The following NIN variants were observed in gnomAD, a reference collection of about 807,000 sequenced individuals.
The protein encoded by NIN is glycogen synthase kinase 3 beta-interacting protein.
In NIN, 137 loss-of-function variants were observed where a neutral mutation model predicts 257.6. The observed-to-expected ratio is 0.53, with a 90% CI of 0.46 to 0.61. NIN has a LOEUF of 0.61. Among genes scored for constraint, NIN ranks in the 20% least tolerant of loss-of-function variants. The probability of loss-of-function intolerance (pLI) is 0.00; values close to 1 mark genes in which losing one functional copy is unlikely to be tolerated. For synonymous variants in NIN, 918 were observed against 919.8 expected, an observed-to-expected ratio of 1.00 and a Z score of 0.04; for missense variants, 2,439 against 2,501.2, an observed-to-expected ratio of 0.98 and a Z score of 0.53.
chr14:50,752,315 G>A (rs2041821526), intron 21 of NIN, among the ~76,000 whole-genome samples: 1 of 152,102 alleles, frequency 6.6e-6, no homozygotes. Context: ...TTTGAGAAGT[G>A]GCCCTGGTTA....
chr14:50,808,700 G>A (rs951899115), intron 3 of NIN, among the ~76,000 whole-genome samples: 1 of 152,198 alleles, frequency 6.6e-6, no homozygotes, highest in East Asian at 1.9e-4. Flanking sequence ...GTGCCACGAT[G>A]CTCATAGTCT....
intron 21 of NIN, among the ~76,000 whole-genome samples, chr14:50,748,648 A>G (rs2041657809): frequency 6.6e-6 from 1 of 152,232 alleles, no homozygotes; most frequent in African/African-American, 2.4e-5. Flanking sequence ...ATCAATATGC[A>G]AAAATCACAA....
chr14:50,761,599 G>C (rs2042276980), intron 16 of NIN, among the ~76,000 whole-genome samples, 191 bp downstream of exon 16: 1 of 152,152 alleles, frequency 6.6e-6, no homozygotes, highest in Non-Finnish European at 1.5e-5. Context: ...CAGGGCTGAA[G>C]ATATTACATT....
At chr14:50,811,535 A>G (rs1464164212) in intron 3 of NIN, among the ~76,000 whole-genome samples, 1 of 141,916 alleles carries the variant, frequency 7.0e-6, no homozygotes, top group African/African-American at 2.6e-5. Context: ...TAAATCCCCA[A>G]TGGTCAAGCT....
At chr14:50,765,063 T>TTAAA (rs1387203575) in intron 14 of NIN, among the ~76,000 whole-genome samples, 7 of 82,084 alleles carry the variant, frequency 8.5e-5, no homozygotes, top group Admixed American at 2.9e-4. Flanking sequence ...TGTCTCTACT[T>TTAAA]AAAAAAAAAA....
intron 29 of NIN, among the ~76,000 whole-genome samples, chr14:50,727,063 T>C (rs2040442069): frequency 6.6e-6 from 1 of 152,084 alleles, no homozygotes; most frequent in Admixed American, 6.6e-5. Context: ...CTGGAGGACA[T>C]CTAGCTTTTA....
intron 28 of NIN, among the ~76,000 whole-genome samples, chr14:50,732,764 G>A (rs2040782211): frequency 6.6e-6 from 1 of 151,670 alleles, no homozygotes; most frequent in Non-Finnish European, 1.5e-5. Flanking sequence ...GTCTTGCTCT[G>A]TCACCCAGGC....
Position 50,758,043 on chromosome 14 carries a change from G to T in NIN, c.2987C>A (p.Ala996Glu). ...TTCTCGATCTGCTGTCTCACAGGTC[G>T]CTTTGTGAATGTTCTCCATGGCTAG... ...KLLAMENIHK[A>E]TCETADRERA... The change falls in exon 18 of 31, where the codon GCG becomes GAG. Residue 996 changes from alanine (A) to glutamate (E), a missense_variant. Coordinates refer to ENST00000530997, the MANE Select transcript of NIN (RefSeq NM_020921.4). 1.2e-6 allele frequency: 2 copies of T among 1,614,164 alleles called. No homozygotes were observed. Among genetic ancestry groups the T allele is most frequent in the South Asian group, 1.1e-5 (1 of 91,082 alleles).
At chr14:50,764,062 T>G in intron 14 of NIN, 98 bp from the exon 15 acceptor site, 1 of 1,071,982 alleles carries the variant, frequency 9.3e-7, no homozygotes, top group Non-Finnish European at 1.4e-6. Flanking sequence ...CAAAACAAAA[T>G]CTTTTGTGCT....
intron 23 of NIN, 49 bp from the exon 24 acceptor site, chr14:50,743,578 G>T: frequency 1.8e-6 from 2 of 1,123,332 alleles, no homozygotes; most frequent in Non-Finnish European, 2.7e-6. Flanking sequence ...TGCAAACATA[G>T]CTAGCCTTAA....
intron 5 of NIN, among the ~76,000 whole-genome samples, chr14:50,790,760 C>T (rs1566850083): frequency 6.6e-6 from 1 of 152,132 alleles, no homozygotes; most frequent in Non-Finnish European, 1.5e-5. Context: ...TCCCAAAATA[C>T]CATTTTACTG....
chr14:50,800,007 TACACACACACACACACACACAC>T lies in NIN; in HGVS notation c.265+6708_265+6729del, dbSNP rs71118902. 1.1e-4 allele frequency among the ~76,000 whole-genome samples: 16 copies of T among 148,268 alleles called. No individual in the cohort carries two copies. In the East Asian group the frequency reaches 2.8e-3, roughly 26 times the overall value. ...AAAAAACAAACAATATATATACACA[TACACACACACACACACACACAC>T]ACACACACACACACACACAACTCCC... On this transcript the variant is annotated intron_variant, in intron 4 of 30. Transcript: ENST00000530997.
intron 5 of NIN, among the ~76,000 whole-genome samples, chr14:50,785,272 C>T (rs1458022112): frequency 3.3e-5 from 5 of 152,258 alleles, no homozygotes; most frequent in Non-Finnish European, 7.3e-5. Context: ...CCAGCATCTG[C>T]AGCCTGTGGT....
intron 28 of NIN, among the ~76,000 whole-genome samples, chr14:50,731,928 C>T (rs1339845331): frequency 6.6e-6 from 1 of 152,118 alleles, no homozygotes; most frequent in Non-Finnish European, 1.5e-5. Flanking sequence ...AACTATAAGC[C>T]ATTTTGTTGT....
intron 8 of NIN, 68 bp from the exon 9 acceptor site, chr14:50,772,536 C>T: frequency 7.1e-7 from 1 of 1,402,888 alleles, no homozygotes; most frequent in Non-Finnish European, 1.0e-6. Flanking sequence ...TATTGGTCAG[C>T]CCTGACCACG....
At chr14:50,772,830 C>A (rs1404064851) in intron 8 of NIN, 119 bp downstream of exon 8, 1 of 841,340 alleles carries the variant, frequency 1.2e-6, no homozygotes, top group Non-Finnish European at 1.8e-6. Context: ...TCTAATTCTT[C>A]TTTTGCTTCC....
At chr14:50,747,680 G>A (rs1465324101) in intron 22 of NIN, among the ~76,000 whole-genome samples, 1 of 151,288 alleles carries the variant, frequency 6.6e-6, no homozygotes, top group East Asian at 1.9e-4. Flanking sequence ...GTTGCAGTGA[G>A]CTGAGATCAC....
intron 2 of NIN, among the ~76,000 whole-genome samples, chr14:50,830,008 T>G (rs57374549): frequency 2.6e-5 from 4 of 152,194 alleles, no homozygotes; most frequent in East Asian, 1.9e-4. Context: ...GGAAACTGTT[T>G]ACGCGCATCG....
rs919511804 is a variant in NIN at position 50,719,803 on chromosome 14, T to C, written c.*3660A>G. Reference sequence around the variant, plus strand: ...AACTTTATTAAAAGGTCAGGGTATATAGAAAACAAAAGGCATGTTTGCAAA... The same window carrying C: ...AACTTTATTAAAAGGTCAGGGTATACAGAAAACAAAAGGCATGTTTGCAAA... On this transcript the variant is annotated 3_prime_UTR_variant, in exon 31 of 31. Transcript: ENST00000530997. 5.3e-6 allele frequency: 1 copy of C among 190,420 alleles called. No homozygotes were observed. The allele number at this position is 190,420 out of a possible 1,614,324, so 11.8% of individuals were successfully genotyped here.
Sources: allele counts gnomAD v4.1 joint callset (sites outside exome capture counted in the v4.1 genomes callset), GRCh38; gene constraint gnomAD v4.1.1; transcripts MANE v1.5; gene names NCBI Gene and HGNC (gene_info 2026-07-23, HGNC 2026-07-21).